FXR1: variants seen among roughly 807,000 people sequenced by gnomAD.
FXR1 encodes FMR1 autosomal homolog 1.
FXR1 carries 15 observed loss-of-function variants against 84.0 expected under a neutral mutation model. The ratio of observed to expected loss-of-function variants is 0.18; its 90% CI spans 0.12 to 0.27. The LOEUF (loss-of-function observed/expected upper bound fraction) is 0.27. FXR1 is among the 10% of genes least tolerant of loss of function. FXR1 has a pLI of 1.00. For synonymous variants in FXR1, 245 were observed against 250.7 expected (o/e 0.98, Z 0.21); for missense variants, 480 against 774.4 (o/e 0.62, Z 4.51).
At chr3:180,917,956 A>AAAG (rs1718103839) in intron 1 of FXR1, among the ~76,000 whole-genome samples, 1 of 151,148 alleles carries the variant, frequency 6.6e-6, no homozygotes, top group African/African-American at 2.4e-5. Context: ...CCAAAAAAAA[A>AAAG]AAAAAAAAAA....
Position 180,948,827 on chromosome 3 carries a change from C to T in FXR1, c.513+13C>T, listed in dbSNP as rs970812941. On this transcript the variant is annotated intron_variant, in intron 6 of 16. Coordinates refer to ENST00000357559, the MANE Select transcript of FXR1 (RefSeq NM_005087.4). Reference sequence around the variant, plus strand: ...GCTAATGATACTGGTAAGATAGTACCATATTATAAGGTAGCTTATTAATGG... The same window carrying T: ...GCTAATGATACTGGTAAGATAGTACTATATTATAAGGTAGCTTATTAATGG... 15 of 1,137,408 alleles carry T rather than the reference C, an allele frequency of 1.3e-5. No individual in the cohort carries two copies. Among genetic ancestry groups the T allele is most frequent in the African/African-American group, 3.1e-5 (2 of 65,556 alleles). 70.5% of individuals were successfully genotyped at this position (1,137,408 alleles called of 1,614,324 possible). A position where few individuals can be genotyped will look rare whatever the true frequency, so the allele number is the denominator to read the frequency against.
intron 9 of FXR1, among the ~76,000 whole-genome samples, chr3:180,955,499 A>G (rs1023991704): frequency 6.6e-6 from 1 of 152,172 alleles, no homozygotes; most frequent in East Asian, 1.9e-4. Context: ...AGGGTGCACA[A>G]TGTTATCAAA....
At chr3:180,950,020 G>C (rs1470094572) in intron 7 of FXR1, among the ~76,000 whole-genome samples, 1 of 152,132 alleles carries the variant, frequency 6.6e-6, no homozygotes, top group Non-Finnish European at 1.5e-5. Flanking sequence ...TTGTGTGAGA[G>C]GAGAGGAGGA....
In FXR1 at chr3:180,966,903, A is replaced by T. The variant is rs114349351; in HGVS notation, c.1199-1148A>T. Reference sequence around the variant, plus strand: ...ATATGATAGTGATTGAGTCATATGTATCTGACATTTGAGTTACAGTAATTA... The same window carrying T: ...ATATGATAGTGATTGAGTCATATGTTTCTGACATTTGAGTTACAGTAATTA... On this transcript the variant is annotated intron_variant, in intron 13 of 16. Coordinates refer to ENST00000357559, the MANE Select transcript of FXR1 (RefSeq NM_005087.4). Among the ~76,000 whole-genome samples the T allele has an allele frequency of 5.1e-3, 778 of 152,356 alleles. 2 individuals are homozygous for T. Among genetic ancestry groups the T allele is most frequent in the Middle Eastern group, 0.017 (5 of 294 alleles).
In FXR1 at chr3:180,925,178, T is replaced by C. The variant is rs564072072; in HGVS notation, c.52-8156T>C. Among the ~76,000 whole-genome samples the C allele has an allele frequency of 9.9e-5, 15 of 152,052 alleles. No individual in the cohort carries two copies. The East Asian group carries it at 1.2e-3, about 12-fold the overall frequency. On this transcript the variant is annotated intron_variant, in intron 1 of 16. Coordinates refer to ENST00000357559, the MANE Select transcript of FXR1 (RefSeq NM_005087.4). ...GAGTTCGAGACCAGCCTGGCTAATA[T>C]GGTGAAACCCTGTCTCTACTACAAA...
chr3:180,954,894 T>G (rs1722590355), intron 9 of FXR1, among the ~76,000 whole-genome samples: 1 of 138,354 alleles, frequency 7.2e-6, no homozygotes, highest in Admixed American at 7.3e-5. Flanking sequence ...TTTTTTTTTT[T>G]GGTCATTAGT....
intron 3 of FXR1, among the ~76,000 whole-genome samples, chr3:180,939,502 G>A (rs184245943): frequency 1.9e-3 from 283 of 152,170 alleles, no homozygotes; most frequent in Admixed American, 3.2e-3. Flanking sequence ...AGGCAAGGTC[G>A]GGGTGAGGGA....
At chr3:180,916,962 G>A (rs1576880528) in intron 1 of FXR1, among the ~76,000 whole-genome samples, 2 of 152,108 alleles carry the variant, frequency 1.3e-5, no homozygotes, top group South Asian at 4.2e-4. Context: ...AGCCTCCTGA[G>A]TAGCTGGTAT....
intron 1 of FXR1, among the ~76,000 whole-genome samples, chr3:180,920,006 C>T (rs886661843): frequency 6.6e-6 from 1 of 152,172 alleles, no homozygotes. Context: ...ATTTAACTTG[C>T]CTGCCATTCT....
chr3:180,954,767 G>A (rs773648932), intron 9 of FXR1, among the ~76,000 whole-genome samples: 32 of 151,700 alleles, frequency 2.1e-4, no homozygotes, highest in Admixed American at 3.9e-4. Context: ...TATATAATGC[G>A]GCCTGTTCTG....
chr3:180,976,233 A>T lies in FXR1; in HGVS notation c.1807A>T (p.Ile603Phe), dbSNP rs770580025. Residue 603 changes from isoleucine (I) to phenylalanine (F), a missense_variant, in exon 17 of 17, where the codon ATT becomes TTT. By Grantham distance (21) the Ile-to-Phe change is conservative. Coordinates refer to ENST00000357559, the MANE Select transcript of FXR1 (RefSeq NM_005087.4). The stretch of plus-strand genomic sequence containing the variant: ...ACAGCGTACTCCAGGAGAAGAAAAG[A>T]TTAATACCTTAAAAGAAGAAAACAC... ...KLQRTPGEEK[I>F]NTLKEENTQE... 13 of 1,612,604 alleles carry T rather than the reference A, an allele frequency of 8.1e-6. No individual in the cohort carries two copies. The highest frequency in any genetic ancestry group is 3.3e-4 in the Middle Eastern group (2 of 6,060).
At position 180,915,384 on chromosome 3, in the gene FXR1, A is replaced by G. The variant is rs572385160; in HGVS notation, c.51+2648A>G. The G allele has an allele frequency of 3.1e-5, 21 of 669,032 alleles. No homozygotes were observed. The East Asian group carries it at 4.7e-4, about 15-fold the overall frequency. The allele number at this position is 669,032 out of a possible 1,614,324, so 41.4% of individuals were successfully genotyped here. A position where few individuals can be genotyped will look rare whatever the true frequency, so the allele number is the denominator to read the frequency against. ...AGCTTCTAGAGTGTTTTCTGTCCCC[A>G]TAGTTTTTCTTATTCAGAACGTTAC... On this transcript the variant is annotated intron_variant, in intron 1 of 16. Transcript: ENST00000357559.
At chr3:180,949,939 A>AT (rs921703442) in intron 7 of FXR1, among the ~76,000 whole-genome samples, 6 of 152,032 alleles carry the variant, frequency 3.9e-5, no homozygotes, top group Admixed American at 2.0e-4. Flanking sequence ...TAACCTTTTT[A>AT]TTTTTTTAAC....
At chr3:180,975,672 C>T (rs1287337232) in intron 16 of FXR1, among the ~76,000 whole-genome samples, 1 of 152,116 alleles carries the variant, frequency 6.6e-6, no homozygotes, top group East Asian at 1.9e-4. Context: ...TTGCCTAATT[C>T]AGGAGCAATA....
chr3:180,970,213 T>A lies in FXR1; in HGVS notation c.1458T>A (p.Asp486Glu). ...PYSLLDNTES[D>E]QTADTDASES... ...GCTTACTTGATAATACAGAATCAGA[T>A]CAGACTGCAGACACTGATGCCAGCG... Residue 486 changes from aspartate (D) to glutamate (E), a missense_variant, in exon 15 of 17, where the codon GAT becomes GAA. Around this residue, in one of 6 missense-constraint regions of FXR1, gnomAD observed 157 missense variants for 227.8 expected, o/e 0.69. Coordinates refer to ENST00000357559, the MANE Select transcript of FXR1 (RefSeq NM_005087.4). 2 of 1,608,094 alleles carry A rather than the reference T, an allele frequency of 1.2e-6. No individual in the cohort carries two copies. The highest frequency in any genetic ancestry group is 1.1e-5 in the South Asian group (1 of 90,988).
chr3:180,949,622 T>C (rs1465180150), intron 7 of FXR1, among the ~76,000 whole-genome samples: 1 of 152,174 alleles, frequency 6.6e-6, no homozygotes, highest in African/African-American at 2.4e-5. Context: ...TGGGCTCAAG[T>C]GATTGCCCGC....
At chr3:180,964,269 A>G (rs1576991607) in intron 13 of FXR1, among the ~76,000 whole-genome samples, 1 of 152,232 alleles carries the variant, frequency 6.6e-6, no homozygotes, top group East Asian at 1.9e-4. Flanking sequence ...ACAGTTAACC[A>G]GTAATCACAT....
intron 10 of FXR1, among the ~76,000 whole-genome samples, chr3:180,958,910 C>T (rs1007319662): frequency 4.6e-5 from 7 of 150,968 alleles, no homozygotes; most frequent in African/African-American, 1.7e-4. Flanking sequence ...CTCATTCAAG[C>T]GAGTCTCCTG....
In FXR1 at chr3:180,976,208, A is replaced by G; in HGVS notation, c.1782A>G (p.Leu594=). 10 of 1,612,356 alleles carry G rather than the reference A, an allele frequency of 6.2e-6. No individual in the cohort carries two copies. The highest frequency in any genetic ancestry group is 8.5e-6 in the Non-Finnish European group (10 of 1,178,398). Residue 594 remains leucine (L), a synonymous_variant, in exon 17 of 17, where the codon CTA becomes CTG. Coordinates refer to ENST00000357559, the MANE Select transcript of FXR1 (RefSeq NM_005087.4). ...TSASGDDISK[L]QRTPGEEKIN... is the part of the protein sequence containing the mutation. Reference sequence around the variant, plus strand: ...CTTCTGGCGATGACATTTCTAAGCTACAGCGTACTCCAGGAGAAGAAAAGA... The same window carrying G: ...CTTCTGGCGATGACATTTCTAAGCTGCAGCGTACTCCAGGAGAAGAAAAGA...
Sources: gnomAD v4.1 joint callset for allele counts (sites outside exome capture counted in the v4.1 genomes callset) on GRCh38, gnomAD v4.1.1 for gene constraint, gnomAD v4.1.1 regional missense constraint, MANE v1.5 for transcripts, NCBI Gene and HGNC (gene_info 2026-07-23, HGNC 2026-07-21) for gene names.